Variants in MTUS2 observed in about 807,000 individuals in gnomAD.
The protein encoded by MTUS2 is microtubule-associated tumor suppressor candidate 2.
MTUS2 carries 40 observed loss-of-function variants against 114.1 expected under a neutral mutation model. The ratio of observed to expected loss-of-function variants is 0.35; its 90% confidence interval spans 0.27 to 0.46. The LOEUF (loss-of-function observed/expected upper bound fraction) is 0.46. Among genes scored for constraint, MTUS2 ranks in the 20% least tolerant of loss-of-function variants. The pLI is 1.00. For missense variants in MTUS2, 1,679 were observed against 1,705.4 expected (o/e 0.98, Z 0.27); for synonymous variants, 688 against 672.0 (o/e 1.02, Z -0.37).
rs141482171 is a variant in MTUS2, at chr13:28,912,512, A to G, written c.-243+72662A>G. The stretch of plus-strand genomic sequence containing the variant: ...TATATGGGCTCTTTTTTGGTTCCAC[A>G]TGAATTTTAAAACAGTTTTTTTTCT... On this transcript the variant is annotated intron_variant, in intron 2 of 15. Coordinates refer to ENST00000612955, the MANE Select transcript of MTUS2 (RefSeq NM_001033602.4). Among the ~76,000 whole-genome samples the G allele has an allele frequency of 3.1e-3, 465 of 152,198 alleles. 2 individuals carry two copies. Among genetic ancestry groups the G allele is most frequent in the African/African-American group, 0.011 (440 of 41,484 alleles).
At chr13:29,327,956 T>C (rs1019906333) in intron 7 of MTUS2, among the ~76,000 whole-genome samples, 2 of 152,220 alleles carry the variant, frequency 1.3e-5, no homozygotes, top group African/African-American at 2.4e-5. Context: ...CTCATTGTGG[T>C]TTTAATTTGC....
intron 4 of MTUS2, among the ~76,000 whole-genome samples, chr13:29,073,632 T>C (rs1208940641): frequency 6.6e-6 from 1 of 152,134 alleles, no homozygotes; most frequent in African/African-American, 2.4e-5. Context: ...TCCATCTGTT[T>C]ACAGCCTTGC....
In MTUS2 at chr13:29,406,271, G is replaced by T. The variant is rs6490406; in HGVS notation, c.3118-33712G>T. On this transcript the variant is annotated intron_variant, in intron 8 of 15. Coordinates refer to ENST00000612955, the MANE Select transcript of MTUS2 (RefSeq NM_001033602.4). ...AACACTTACTACCCCACTGAGGGTC[G>T]GGTATCTGGGAGAGACTTAGCCAGT... Among the ~76,000 whole-genome samples the T allele has an allele frequency of 5.9e-5, 9 of 151,898 alleles. No individual in the cohort carries two copies. The South Asian group carries it at 1.9e-3, about 32-fold the overall frequency.
intron 8 of MTUS2, among the ~76,000 whole-genome samples, chr13:29,383,244 G>GTATATATATATATATATATATA (rs1295576309): frequency 1.9e-5 from 1 of 53,448 alleles, no homozygotes; most frequent in African/African-American, 4.2e-5. Flanking sequence ...GTGTGTGTGT[G>GTATATATATATATATATATATA]TGTGTGTGTA....
chr13:28,894,997 A>T (rs911655136), intron 2 of MTUS2, among the ~76,000 whole-genome samples: 2 of 152,256 alleles, frequency 1.3e-5, no homozygotes, highest in Non-Finnish European at 2.9e-5. Flanking sequence ...TTTAAAACAG[A>T]AAAAGGATTA....
chr13:29,160,647 G>A (rs12873910), intron 5 of MTUS2, among the ~76,000 whole-genome samples: 21,785 of 152,110 alleles, frequency 0.14, 1,842 homozygotes, highest in East Asian at 0.29. Flanking sequence ...GTGGATGCCT[G>A]TAGTCCCAGC....
chr13:28,974,024 T>G (rs763007796), intron 2 of MTUS2, among the ~76,000 whole-genome samples: 1 of 152,154 alleles, frequency 6.6e-6, no homozygotes, highest in Non-Finnish European at 1.5e-5. Flanking sequence ...ATGGAACAGT[T>G]CTTCACTCCT....
At chr13:28,928,701 A>C (rs2146134) in intron 2 of MTUS2, among the ~76,000 whole-genome samples, 17,160 of 152,242 alleles carry the variant, frequency 0.11, 1,066 homozygotes, top group African/African-American at 0.16. Context: ...AATAGAACTA[A>C]CATATGATCC....
intron 7 of MTUS2, among the ~76,000 whole-genome samples, chr13:29,326,617 A>G (rs1209061642): frequency 1.3e-5 from 2 of 152,180 alleles, no homozygotes; most frequent in Non-Finnish European, 1.5e-5. Flanking sequence ...ATACAATAAG[A>G]TATTAGAAAT....
In MTUS2 at chr13:29,011,247, G is replaced by A. The variant is rs559080393; in HGVS notation, c.-242-13210G>A. On this transcript the variant is annotated intron_variant, in intron 2 of 15. Coordinates refer to ENST00000612955, the MANE Select transcript of MTUS2 (RefSeq NM_001033602.4). ...GCCCATGAAAATTCATACTTACTCA[G>A]GTTTGTGCTTTTGAGAATGTTTGAT... Among the ~76,000 whole-genome samples the A allele has an allele frequency of 4.6e-5, 7 of 152,180 alleles. No individual in the cohort carries two copies. The East Asian group carries it at 1.4e-3, about 29-fold the overall frequency.
chr13:28,829,560 C>T (rs1420693737), intron 1 of MTUS2, among the ~76,000 whole-genome samples: 1 of 151,854 alleles, frequency 6.6e-6, no homozygotes. Context: ...AACTAATAGC[C>T]TAGAAGCCAC....
At chr13:28,844,590 A>AGAGTGTGT (rs148980977) in intron 2 of MTUS2, among the ~76,000 whole-genome samples, 1 of 148,100 alleles carries the variant, frequency 6.8e-6, no homozygotes, top group Non-Finnish European at 1.5e-5. Context: ...TTTGTGTGTG[A>AGAGTGTGT]GTGTGTGTGT....
intron 2 of MTUS2, among the ~76,000 whole-genome samples, chr13:28,920,779 T>C (rs653952): frequency 0.87 from 132,867 of 152,238 alleles, 58,228 homozygotes; most frequent in East Asian, 0.91. Flanking sequence ...AAGTCCTTCC[T>C]GCTCTTCCCT....
intron 6 of MTUS2, among the ~76,000 whole-genome samples, chr13:29,302,379 A>G (rs1281568274): frequency 1.3e-5 from 2 of 152,138 alleles, no homozygotes; most frequent in Non-Finnish European, 2.9e-5. Flanking sequence ...TTGTGAGCCC[A>G]TGCCTTCAGG....
chr13:29,361,729 T>C (rs915797151), intron 8 of MTUS2, among the ~76,000 whole-genome samples: 5 of 152,156 alleles, frequency 3.3e-5, no homozygotes, highest in African/African-American at 9.7e-5. Context: ...TGCATTATTA[T>C]TGTGAATGAG....
Position 29,503,080 on chromosome 13 carries a change from G to A in MTUS2, c.3984G>A (p.Glu1328=), listed in dbSNP as rs7986532. The A allele has an allele frequency of 2.9e-3, 4,649 of 1,614,226 alleles. 114 individuals carry two copies. The African/African-American group carries it at 0.055, about 19-fold the overall frequency. ...AGAGATTGAGCCGAACCAATGAAGA[G>A]CTGCTTTGGAAGCTCCAAACTGGGG... ...EKKRLSRTNE[E]LLWKLQTGDP... Residue 1328 remains glutamate (E), a synonymous_variant, in exon 16 of 16, where the codon GAG becomes GAA. Transcript: ENST00000612955.
chr13:29,195,824 T>C (rs145686203), intron 5 of MTUS2, among the ~76,000 whole-genome samples: 2 of 152,034 alleles, frequency 1.3e-5, no homozygotes, highest in African/African-American at 4.8e-5. Context: ...CAAAAAGAAA[T>C]TGGTATTTTT....
chr13:28,962,868 C>G (rs1014378683), intron 2 of MTUS2, among the ~76,000 whole-genome samples: 2 of 152,090 alleles, frequency 1.3e-5, no homozygotes, highest in African/African-American at 4.8e-5. Flanking sequence ...ATCAGTGTCA[C>G]TTTTGGGACT....
chr13:29,401,944 A>T (rs186761637), intron 8 of MTUS2, among the ~76,000 whole-genome samples: 60 of 152,330 alleles, frequency 3.9e-4, no homozygotes, highest in African/African-American at 1.3e-3. Context: ...GACAATTGGC[A>T]GCTTTGGAAT....
Sources: gnomAD v4.1 joint callset for allele counts (sites outside exome capture counted in the v4.1 genomes callset) on GRCh38, gnomAD v4.1.1 for gene constraint, MANE v1.5 for transcripts, NCBI Gene and HGNC (gene_info 2026-07-23, HGNC 2026-07-21) for gene names.